The following GPM6A variants were observed in gnomAD, a reference collection of about 807,000 sequenced individuals.
The protein encoded by GPM6A is glycoprotein M6A.
GPM6A carries 7 observed loss-of-function variants against 32.1 expected under a neutral mutation model. That is an observed-to-expected ratio of 0.22 (90% CI 0.12 to 0.41). The LOEUF (loss-of-function observed/expected upper bound fraction) is 0.41, where lower values mean the gene tolerates loss of function less well. GPM6A is among the 10% of genes least tolerant of loss of function. GPM6A has a pLI of 1.00. For synonymous variants in GPM6A, 130 were observed against 123.4 expected (o/e 1.05, Z -0.35); for missense variants, 235 against 347.2 (o/e 0.68, Z 2.57).
At chr4:175,725,156 A>C (rs1447448712) in intron 1 of GPM6A, among the ~76,000 whole-genome samples, 1 of 152,166 alleles carries the variant, frequency 6.6e-6, no homozygotes, top group African/African-American at 2.4e-5. Flanking sequence ...TTAATATTTT[A>C]TTTTAGTGAT....
At chr4:175,946,712 G>A (rs1739619624) in intron 1 of GPM6A, among the ~76,000 whole-genome samples, 2 of 152,108 alleles carry the variant, frequency 1.3e-5, no homozygotes, top group African/African-American at 4.8e-5. Context: ...GCAAGGGCAG[G>A]GCAGGACGAT....
chr4:175,917,481 T>C (rs905133008), intron 1 of GPM6A, among the ~76,000 whole-genome samples: 1 of 152,042 alleles, frequency 6.6e-6, no homozygotes, highest in Non-Finnish European at 1.5e-5. Flanking sequence ...AAAGAATTCC[T>C]ATCAAAAAAA....
At chr4:175,709,217 C>A (rs1745389604) in intron 1 of GPM6A, among the ~76,000 whole-genome samples, 1 of 151,334 alleles carries the variant, frequency 6.6e-6, no homozygotes, top group African/African-American at 2.4e-5. Flanking sequence ...TTATTTCATT[C>A]CTTCTTTCCT....
At chr4:175,992,060 G>GCACACACACA (rs1554007513) in intron 1 of GPM6A, among the ~76,000 whole-genome samples, 1 of 137,060 alleles carries the variant, frequency 7.3e-6, no homozygotes, top group African/African-American at 2.8e-5. Flanking sequence ...AAACACACAT[G>GCACACACACA]CACACACACA....
intron 1 of GPM6A, among the ~76,000 whole-genome samples, chr4:175,785,802 G>C (rs911548684): frequency 2.5e-4 from 38 of 152,186 alleles, no homozygotes; most frequent in African/African-American, 9.2e-4. Flanking sequence ...CCTCATAACT[G>C]GGATTAATTC....
At chr4:175,822,982 A>G (rs1735325381) in intron 1 of GPM6A, among the ~76,000 whole-genome samples, 2 of 152,176 alleles carry the variant, frequency 1.3e-5, no homozygotes, top group Admixed American at 1.3e-4. Flanking sequence ...TGACAATAAT[A>G]AGTTGGTTAC....
intron 1 of GPM6A, among the ~76,000 whole-genome samples, chr4:175,802,855 T>C (rs116763944): frequency 0.023 from 3,506 of 152,212 alleles, 44 homozygotes; most frequent in Non-Finnish European, 0.036. Flanking sequence ...TAAAAATATG[T>C]GTGGGCTCTT....
At chr4:175,811,059 T>A (rs1463486467) in intron 1 of GPM6A, among the ~76,000 whole-genome samples, 1 of 152,144 alleles carries the variant, frequency 6.6e-6, no homozygotes, top group Admixed American at 6.5e-5. Context: ...ATTACGTGTG[T>A]GTGTGTGTGT....
intron 4 of GPM6A, 64 bp downstream of exon 4, chr4:175,651,770 C>A: frequency 8.3e-7 from 1 of 1,198,654 alleles, no homozygotes. Flanking sequence ...ATTTTAGAGG[C>A]AGCTATGTAG....
At chr4:175,682,328 T>C (rs1344348312) in intron 2 of GPM6A, among the ~76,000 whole-genome samples, 1 of 152,122 alleles carries the variant, frequency 6.6e-6, no homozygotes, top group Non-Finnish European at 1.5e-5. Context: ...AAATAATATT[T>C]AAACAGGAAG....
chr4:175,756,171 G>A (rs1732517396), intron 1 of GPM6A, among the ~76,000 whole-genome samples: 1 of 151,940 alleles, frequency 6.6e-6, no homozygotes, highest in Non-Finnish European at 1.5e-5. Flanking sequence ...TAAGACTTAA[G>A]GAAAGAAGAG....
intron 3 of GPM6A, among the ~76,000 whole-genome samples, chr4:175,664,361 G>A (rs987172556): frequency 2.0e-5 from 3 of 152,196 alleles, no homozygotes; most frequent in Non-Finnish European, 2.9e-5. Context: ...ATGTGTCAAT[G>A]TAGGTTTGTT....
At chr4:175,990,195 T>C (rs1485317319) in intron 1 of GPM6A, among the ~76,000 whole-genome samples, 2 of 152,204 alleles carry the variant, frequency 1.3e-5, no homozygotes, top group Non-Finnish European at 2.9e-5. Flanking sequence ...TGTTTTTCCT[T>C]CTTATTATCC....
intron 1 of GPM6A, among the ~76,000 whole-genome samples, chr4:175,906,293 C>T (rs1738129316): frequency 6.6e-6 from 1 of 152,074 alleles, no homozygotes; most frequent in Non-Finnish European, 1.5e-5. Context: ...ATTCATTAAA[C>T]CTAAGATTCA....
intron 3 of GPM6A, 56 bp downstream of exon 3, chr4:175,673,624 C>A (rs1743202015): frequency 7.9e-7 from 1 of 1,266,274 alleles, no homozygotes; most frequent in African/African-American, 1.5e-5. Context: ...ATGCAAACAC[C>A]TGTGTGCTAT....
chr4:175,756,412 G>A (rs1231991158), intron 1 of GPM6A, among the ~76,000 whole-genome samples: 1 of 152,062 alleles, frequency 6.6e-6, no homozygotes, highest in Non-Finnish European at 1.5e-5. Context: ...AGAATATATG[G>A]CAATCTTGAA....
chr4:175,932,199 C>T (rs1280356368), intron 1 of GPM6A, among the ~76,000 whole-genome samples: 1 of 151,846 alleles, frequency 6.6e-6, no homozygotes, highest in Non-Finnish European at 1.5e-5. Flanking sequence ...TTCCAAAATG[C>T]AGGTGTTGCC....
intron 2 of GPM6A, among the ~76,000 whole-genome samples, chr4:175,689,004 C>T (rs1212501029): frequency 1.3e-5 from 2 of 152,138 alleles, no homozygotes; most frequent in Non-Finnish European, 2.9e-5. Context: ...AGGCAGGCAC[C>T]ACCATGCCTG....
At chr4:175,970,158 T>C (rs1334819600) in intron 1 of GPM6A, among the ~76,000 whole-genome samples, 4 of 152,208 alleles carry the variant, frequency 2.6e-5, no homozygotes, top group African/African-American at 7.2e-5. Context: ...AATAAAACTA[T>C]TTTGCCCTTG....
Sources: gnomAD v4.1 joint callset for allele counts (sites outside exome capture counted in the v4.1 genomes callset) on GRCh38, gnomAD v4.1.1 for gene constraint, MANE v1.5 for transcripts, NCBI Gene and HGNC (gene_info 2026-07-23, HGNC 2026-07-21) for gene names.